RBM27: variants seen among roughly 807,000 people sequenced by gnomAD.
RBM27 encodes RNA-binding protein 27.
Under a neutral mutation model 135.3 loss-of-function variants are expected in RBM27, and 22 were observed. The observed-to-expected ratio is 0.16, with a 90% CI of 0.12 to 0.23. The LOEUF (loss-of-function observed/expected upper bound fraction) is 0.23. RBM27 is among the 10% of genes least tolerant of loss of function. The pLI, the probability that RBM27 is intolerant of heterozygous loss-of-function variation, is 1.00. For missense variants in RBM27, 1,009 were observed against 1,281.0 expected (o/e 0.79, Z 3.24); for synonymous variants, 481 against 442.4 (o/e 1.09, Z -1.10).
At chr5:146,250,770 C>CTTT (rs58027855) in intron 8 of RBM27, among the ~76,000 whole-genome samples, 302 of 72,652 alleles carry the variant, frequency 4.2e-3, no homozygotes, top group African/African-American at 5.7e-3. Context: ...TTTTTTTGTC[C>CTTT]TTTTTTTTTT....
At position 146,251,922 on chromosome 5, in the gene RBM27, C is replaced by T. The variant is rs888833951; in HGVS notation, c.1444+47C>T. On this transcript the variant is annotated intron_variant, in intron 9 of 20. Coordinates refer to ENST00000265271, the MANE Select transcript of RBM27 (RefSeq NM_018989.2). The stretch of plus-strand genomic sequence containing the variant: ...CATCCACCTCACTGATCTTTTTTAC[C>T]TCAAGCTGGCCAGTCTAAGCGGTGA... 2.5e-6 allele frequency: 4 copies of T among 1,582,580 alleles called. No homozygotes were observed. The African/African-American group carries it at 4.0e-5, about 16-fold the overall frequency.
rs748103691 is a variant in RBM27, at chr5:146,228,940, A to G, written c.304-6A>G. On this transcript the variant is annotated splice_region_variant and splice_polypyrimidine_tract_variant and intron_variant, in intron 3 of 20. Coordinates refer to ENST00000265271, the MANE Select transcript of RBM27 (RefSeq NM_018989.2). ...GCTCTTACTTCTACTCAATATTTTC[A>G]TATAGGTATTTCAGGAGCCAGCAGA... The G allele has an allele frequency of 7.4e-6, 12 of 1,611,484 alleles. No individual in the cohort carries two copies. In the Admixed American group the frequency reaches 2.0e-4, roughly 27 times the overall value.
At chr5:146,285,558 A>G (rs574775911) in intron 20 of RBM27, among the ~76,000 whole-genome samples, 2 of 152,216 alleles carry the variant, frequency 1.3e-5, no homozygotes, top group South Asian at 4.1e-4. Flanking sequence ...CTCACAAACA[A>G]TTGGATGGAT....
At position 146,260,884 on chromosome 5, in the gene RBM27, A is replaced by G. The variant is rs760806492; in HGVS notation, c.1879A>G (p.Ile627Val). Residue 627 changes from isoleucine to valine, a missense_variant, in exon 12 of 21, where the codon ATT becomes GTT. Coordinates refer to ENST00000265271, the MANE Select transcript of RBM27 (RefSeq NM_018989.2). ...TGAACACTTCAGCAAATTTGGAACT[A>G]TTGTTAATATCCAGGTAAATGTGGC... ...LNEHFSKFGT[I>V]VNIQVAFKGD... is the part of the protein sequence containing the mutation. 3 of 1,609,316 alleles carry G rather than the reference A, an allele frequency of 1.9e-6. No individual in the cohort carries two copies. The highest frequency in any genetic ancestry group is 1.7e-6 in the Non-Finnish European group (2 of 1,178,918).
At chr5:146,261,211 G>A (rs1040690154) in intron 12 of RBM27, among the ~76,000 whole-genome samples, 3 of 152,146 alleles carry the variant, frequency 2.0e-5, no homozygotes, top group Admixed American at 6.5e-5. Flanking sequence ...TGTCTTCCTC[G>A]CTTGCAGATG....
chr5:146,271,388 G>A (rs1219201422), intron 18 of RBM27, 95 bp from the exon 19 acceptor site: 19 of 1,179,230 alleles, frequency 1.6e-5, no homozygotes, highest in Non-Finnish European at 1.6e-5. Flanking sequence ...CAACGAGAGT[G>A]AAATTCCATC....
chr5:146,274,976 T>A (rs1759031501), intron 19 of RBM27, among the ~76,000 whole-genome samples: 2 of 151,552 alleles, frequency 1.3e-5, no homozygotes, highest in African/African-American at 4.8e-5. Context: ...CCTTTCTAGT[T>A]CTTTTTCTTT....
intron 3 of RBM27, among the ~76,000 whole-genome samples, chr5:146,224,587 C>T (rs1254843900): frequency 6.6e-6 from 1 of 151,824 alleles, no homozygotes; most frequent in Non-Finnish European, 1.5e-5. Context: ...GAGGCTGAGG[C>T]AGGAGAATCG....
chr5:146,209,546 T>C (rs1755849665), intron 1 of RBM27, among the ~76,000 whole-genome samples: 1 of 152,194 alleles, frequency 6.6e-6, no homozygotes, highest in Non-Finnish European at 1.5e-5. Flanking sequence ...TATACTTTGG[T>C]TGAACTCTAG....
Position 146,267,693 on chromosome 5 carries a change from A to C in RBM27, c.2376A>C (p.Ser792=). The C allele has an allele frequency of 1.2e-6, 2 of 1,606,558 alleles. No homozygotes were observed. Among genetic ancestry groups the C allele is most frequent in the South Asian group, 2.2e-5 (2 of 90,150 alleles). ...ATCCAAAAATGATTTACAGCTCCTC[A>C]AACTTAAAGACACCTTCAAAGCTCT... ...PGHPKMIYSS[S]NLKTPSKLCS... The change falls in exon 15 of 21, where the codon TCA becomes TCC. Residue 792 remains serine, a synonymous_variant. Coordinates refer to ENST00000265271, the MANE Select transcript of RBM27 (RefSeq NM_018989.2).
At chr5:146,226,651 G>C (rs2126734119) in intron 3 of RBM27, among the ~76,000 whole-genome samples, 1 of 152,134 alleles carries the variant, frequency 6.6e-6, no homozygotes, top group African/African-American at 2.4e-5. Context: ...AAAGTGCTGG[G>C]ATTACAGGTG....
At chr5:146,284,047 A>G (rs565284341) in intron 19 of RBM27, among the ~76,000 whole-genome samples, 1 of 152,334 alleles carries the variant, frequency 6.6e-6, no homozygotes, top group African/African-American at 2.4e-5. Context: ...AATTAGTACC[A>G]AGTAACATTT....
chr5:146,261,520 A>G lies in RBM27; in HGVS notation c.1904A>G (p.Lys635Arg), dbSNP rs377129549. 1 of 1,613,614 alleles carries G rather than the reference A, an allele frequency of 6.2e-7. No homozygotes were observed. The part of the protein sequence containing the change: ...GTIVNIQVAF[K>R]GDPEAALIQY... ...TTTATTTTCTTCAAGGTTGCTTTTA[A>G]GGGTGACCCAGAAGCAGCCCTAATC... Residue 635 changes from lysine (K) to arginine (R), a missense_variant, in exon 13 of 21, where the codon AAG (lysine) becomes AGG (arginine). Transcript: ENST00000265271.
chr5:146,246,329 G>T (rs1319608494), intron 8 of RBM27, among the ~76,000 whole-genome samples: 1 of 152,116 alleles, frequency 6.6e-6, no homozygotes, highest in African/African-American at 2.4e-5. Context: ...TCTTTATTCT[G>T]ACTAGAGTTA....
intron 6 of RBM27, among the ~76,000 whole-genome samples, chr5:146,233,204 A>T (rs1757010378): frequency 6.6e-6 from 1 of 152,152 alleles, no homozygotes; most frequent in African/African-American, 2.4e-5. Flanking sequence ...GTAGTTGGTA[A>T]CCTGTTCTTG....
At chr5:146,285,611 T>A (rs577237058) in intron 20 of RBM27, among the ~76,000 whole-genome samples, 2 of 152,082 alleles carry the variant, frequency 1.3e-5, no homozygotes, top group East Asian at 3.9e-4. Flanking sequence ...ATTTTCCTAA[T>A]TTTTTATAGA....
intron 1 of RBM27, among the ~76,000 whole-genome samples, chr5:146,215,283 C>G (rs1032592871): frequency 6.6e-6 from 1 of 152,178 alleles, no homozygotes; most frequent in Non-Finnish European, 1.5e-5. Flanking sequence ...CTGCTGACCT[C>G]AGGTGATCCT....
Position 146,230,809 on chromosome 5 carries a change from C to T in RBM27, c.742C>T (p.His248Tyr), listed in dbSNP as rs1464301130. 1 of 1,613,982 alleles carries T rather than the reference C, an allele frequency of 6.2e-7. No individual in the cohort carries two copies. The highest frequency in any genetic ancestry group is 8.5e-7 in the Non-Finnish European group (1 of 1,179,892). Residue 248 changes from histidine (H) to tyrosine (Y), a missense_variant, in exon 6 of 21, where the codon CAC becomes TAC. Physicochemically the swap from His to Tyr is moderately conservative, Grantham distance 83. Around this residue, in one of 6 missense-constraint regions of RBM27, gnomAD observed 268 missense variants for 326.6 expected, o/e 0.82. Transcript: ENST00000265271. Reference protein sequence around the residue: ...STVTVIAPAHHSENTTESWSN... With the variant: ...STVTVIAPAHYSENTTESWSN... ...TGTTACTGTGATCGCACCTGCTCAC[C>T]ACTCTGAAAACACAACTGAGAGTTG...
Position 146,206,858 on chromosome 5 carries a change from C to T in RBM27, c.59+3034C>T, listed in dbSNP as rs60516315. Among the ~76,000 whole-genome samples, 902 of 152,228 alleles carry T rather than the reference C, an allele frequency of 5.9e-3. 8 individuals carry two copies. Among genetic ancestry groups the T allele is most frequent in the African/African-American group, 0.02 (850 of 41,530 alleles). On this transcript the variant is annotated intron_variant, in intron 1 of 20. Coordinates refer to ENST00000265271, the MANE Select transcript of RBM27 (RefSeq NM_018989.2). ...TCGGCCTCCCAAAGTGCTGGGATTACAGGCATAAGCCTTTGTGCCTGGTCT... is the reference window on the plus strand; with the variant it reads ...TCGGCCTCCCAAAGTGCTGGGATTATAGGCATAAGCCTTTGTGCCTGGTCT...
Sources: gnomAD v4.1 joint callset for allele counts (sites outside exome capture counted in the v4.1 genomes callset) on GRCh38, gnomAD v4.1.1 for gene constraint, gnomAD v4.1.1 regional missense constraint, MANE v1.5 for transcripts, NCBI Gene and HGNC (gene_info 2026-07-23, HGNC 2026-07-21) for gene names.